AHDC1: variants seen among roughly 807,000 people sequenced by gnomAD.
AHDC1 encodes the protein transcription factor Gibbin.
AHDC1 carries 7 observed loss-of-function variants against 87.9 expected under a neutral mutation model. The ratio of observed to expected loss-of-function variants is 0.08; its 90% CI spans 0.05 to 0.15. The LOEUF (loss-of-function observed/expected upper bound fraction) is 0.15, where lower values mean the gene tolerates loss of function less well. Among genes scored for constraint, AHDC1 ranks in the 10% least tolerant of loss-of-function variants. AHDC1 has a pLI of 1.00. For missense variants in AHDC1, 1,841 were observed against 2,253.2 expected, an observed-to-expected ratio of 0.82 and a Z score of 3.70; for synonymous variants, 1,051 against 1,006.8, an observed-to-expected ratio of 1.04 and a Z score of -0.83.
intron 3 of AHDC1, among the ~76,000 whole-genome samples, chr1:27,599,691 C>CT (rs929263453): frequency 7.2e-5 from 11 of 152,274 alleles, no homozygotes; most frequent in African/African-American, 2.6e-4. Context: ...CTTTTATAAC[C>CT]TGGGTGTCTT....
intron 3 of AHDC1, among the ~76,000 whole-genome samples, chr1:27,566,726 G>A (rs974599803): frequency 7.2e-6 from 1 of 138,776 alleles, no homozygotes; most frequent in Non-Finnish European, 1.6e-5. Context: ...ACTGGGGGGG[G>A]ACAGAGGACA....
chr1:27,544,746 A>T (rs955971930), intron 8 of AHDC1, among the ~76,000 whole-genome samples: 2 of 152,074 alleles, frequency 1.3e-5, no homozygotes, highest in African/African-American at 2.4e-5. Context: ...AGATAGAGAG[A>T]GGGGGCAGCC....
At chr1:27,582,779 CCT>C (rs2088943052) in intron 3 of AHDC1, among the ~76,000 whole-genome samples, 2 of 152,146 alleles carry the variant, frequency 1.3e-5, no homozygotes, top group Admixed American at 6.5e-5. Flanking sequence ...CTTTGATGAC[CCT>C]GTGTTTTGGA....
In AHDC1 at chr1:27,563,387, TC is replaced by T. The variant is rs2020187391; in HGVS notation, c.-628-4505del. 6.6e-6 allele frequency among the ~76,000 whole-genome samples: 1 copy of T among 151,668 alleles called. No individual in the cohort carries two copies. Among genetic ancestry groups the T allele is most frequent in the African/African-American group, 2.4e-5 (1 of 41,194 alleles). On this transcript the variant is annotated intron_variant, in intron 3 of 8. Transcript: ENST00000673934. The surrounding 1 kb of genome is among the most constrained non-coding windows in gnomAD (Gnocchi z 6.1). ...CACACACGTGGGACAAGTCCCATCTTCCAGGTGTGAGGAAGGCATGGACCCC... is the reference window on the plus strand; with the variant it reads ...CACACACGTGGGACAAGTCCCATCTTCAGGTGTGAGGAAGGCATGGACCCC...
chr1:27,565,558 C>T lies in AHDC1; in HGVS notation c.-628-6675G>A, dbSNP rs2020282067. On this transcript the variant is annotated intron_variant, in intron 3 of 8. Coordinates refer to ENST00000673934, the MANE Select transcript of AHDC1 (RefSeq NM_001371928.1). This position sits in a 1 kb window ranked among gnomAD's most constrained non-coding sequence, Gnocchi z 4.6. The stretch of plus-strand genomic sequence containing the variant: ...CCTGGACAAACATTCTGTCTGGTGT[C>T]CCCCGGCGCTGGTGAGCAAGGGGCG... Among the ~76,000 whole-genome samples, 1 of 152,168 alleles carries T rather than the reference C, an allele frequency of 6.6e-6. No homozygotes were observed. The highest frequency in any genetic ancestry group is 1.5e-5 in the Non-Finnish European group (1 of 68,036).
At chr1:27,567,790 A>G (rs532341758) in intron 3 of AHDC1, among the ~76,000 whole-genome samples, 15 of 152,234 alleles carry the variant, frequency 9.9e-5, no homozygotes, top group Admixed American at 2.0e-4. Context: ...AGCTCCCCCA[A>G]CATCTCTCCC....
At position 27,561,892 on chromosome 1, in the gene AHDC1, G is replaced by A. The variant is rs1376989539; in HGVS notation, c.-628-3009C>T. ...GAGGGGCTCATGGAAGAAGGGAGAT[G>A]GAGAGGAAGGTAGAGAGAGGCGGGT... On this transcript the variant is annotated intron_variant, in intron 3 of 8. Coordinates refer to ENST00000673934, the MANE Select transcript of AHDC1 (RefSeq NM_001371928.1). This position sits in a 1 kb window ranked among gnomAD's most constrained non-coding sequence, Gnocchi z 4.2. Among the ~76,000 whole-genome samples, 1 of 152,086 alleles carries A rather than the reference G, an allele frequency of 6.6e-6. No homozygotes were observed. The highest frequency in any genetic ancestry group is 2.1e-4 in the South Asian group (1 of 4,822).
At chr1:27,576,498 AGTAG>A (rs2088755049) in intron 3 of AHDC1, among the ~76,000 whole-genome samples, 1 of 152,224 alleles carries the variant, frequency 6.6e-6, no homozygotes, top group Non-Finnish European at 1.5e-5. Flanking sequence ...GCCTCCATAA[AGTAG>A]GTAATATTAT....
chr1:27,573,515 T>C (rs1303588709), intron 3 of AHDC1, among the ~76,000 whole-genome samples: 2 of 152,174 alleles, frequency 1.3e-5, no homozygotes, highest in Non-Finnish European at 2.9e-5. Flanking sequence ...TTATGAGAAC[T>C]GCCCAACAGT....
rs1232600004 is a variant in AHDC1, at chr1:27,598,118, C to G, written c.-629+5279G>C. ...CAGGTCAGCAAGGCCTCTCCTGGCT[C>G]AGGGGGTGGGGAGGGGGTGCAGAGC... On this transcript the variant is annotated intron_variant, in intron 3 of 8. Transcript: ENST00000673934. This position sits in a 1 kb window ranked among gnomAD's most constrained non-coding sequence, Gnocchi z 4.2. 6.6e-6 allele frequency among the ~76,000 whole-genome samples: 1 copy of G among 152,180 alleles called. No homozygotes were observed. The highest frequency in any genetic ancestry group is 1.5e-5 in the Non-Finnish European group (1 of 68,028).
chr1:27,571,660 G>A (rs2088518414), intron 3 of AHDC1, among the ~76,000 whole-genome samples: 2 of 152,206 alleles, frequency 1.3e-5, no homozygotes, highest in African/African-American at 4.8e-5. Context: ...CCACTGGACC[G>A]GGAACAGCAG....
chr1:27,567,553 G>C (rs918504749), intron 3 of AHDC1, among the ~76,000 whole-genome samples: 2 of 152,074 alleles, frequency 1.3e-5, no homozygotes, highest in African/African-American at 4.8e-5. Context: ...CATTCCACCA[G>C]GCCAGGCTAT....
intron 3 of AHDC1, among the ~76,000 whole-genome samples, chr1:27,568,515 G>A (rs1016715277): frequency 6.6e-6 from 1 of 152,142 alleles, no homozygotes; most frequent in African/African-American, 2.4e-5. Flanking sequence ...CCTTAGGCCG[G>A]CCCTGCCTTT....
rs530568680 is a variant in AHDC1 at position 27,565,912 on chromosome 1, T to C, written c.-628-7029A>G. 6.6e-6 allele frequency among the ~76,000 whole-genome samples: 1 copy of C among 152,172 alleles called. No individual in the cohort carries two copies. The highest frequency in any genetic ancestry group is 1.5e-5 in the Non-Finnish European group (1 of 68,022). ...GCAGACTCACACTCTTGTTTCCTGGTGCCACACTCTCTGTAGGCTCTTCAA... is the reference window on the plus strand; with the variant it reads ...GCAGACTCACACTCTTGTTTCCTGGCGCCACACTCTCTGTAGGCTCTTCAA... On this transcript the variant is annotated intron_variant, in intron 3 of 8. Coordinates refer to ENST00000673934, the MANE Select transcript of AHDC1 (RefSeq NM_001371928.1). This position sits in a 1 kb window ranked among gnomAD's most constrained non-coding sequence, Gnocchi z 4.6.
At chr1:27,572,372 G>C (rs562275810) in intron 3 of AHDC1, among the ~76,000 whole-genome samples, 1 of 152,162 alleles carries the variant, frequency 6.6e-6, no homozygotes, top group Admixed American at 6.5e-5. Context: ...AGATAGAAGG[G>C]AAGAGGCACC....
chr1:27,604,085 T>TCTCGCC (rs2089618301), intron 1 of AHDC1, 21 bp downstream of exon 1: 2 of 153,842 alleles, frequency 1.3e-5, no homozygotes, highest in African/African-American at 2.4e-5. Context: ...TCCCTCCGTC[T>TCTCGCC]CTCGCCCTCG....
At chr1:27,554,734 T>C (rs2019742826) in intron 5 of AHDC1, among the ~76,000 whole-genome samples, 1 of 152,176 alleles carries the variant, frequency 6.6e-6, no homozygotes, top group Admixed American at 6.5e-5. Flanking sequence ...CACAGACCCA[T>C]GTAGATTCTC....
intron 3 of AHDC1, among the ~76,000 whole-genome samples, chr1:27,602,224 G>A (rs2089548730): frequency 6.6e-6 from 1 of 151,784 alleles, no homozygotes; most frequent in Admixed American, 6.5e-5. Context: ...CTCCACATCT[G>A]GCCCTGGCCC....
Position 27,560,202 on chromosome 1 carries a change from G to T in AHDC1, c.-628-1319C>A, listed in dbSNP as rs75934325. 8.8e-3 allele frequency among the ~76,000 whole-genome samples: 1,263 copies of T among 142,728 alleles called. 18 individuals are homozygous for T. Among genetic ancestry groups the T allele is most frequent in the African/African-American group, 0.036 (1,198 of 33,550 alleles). 93.6% of individuals were successfully genotyped at this position (142,728 alleles called of 152,430 possible). Reference sequence around the variant, plus strand: ...TTTCACGTTTATTTCTATTCGTTTTGTGTGTGTGTGTGTGTGTGTGTGAGT... The same window carrying T: ...TTTCACGTTTATTTCTATTCGTTTTTTGTGTGTGTGTGTGTGTGTGTGAGT... On this transcript the variant is annotated intron_variant, in intron 3 of 8. Coordinates refer to ENST00000673934, the MANE Select transcript of AHDC1 (RefSeq NM_001371928.1). This position sits in a 1 kb window ranked among gnomAD's most constrained non-coding sequence, Gnocchi z 4.1.
Sources: gnomAD v4.1 joint callset for allele counts (sites outside exome capture counted in the v4.1 genomes callset) on GRCh38, gnomAD v4.1.1 for gene constraint, Gnocchi (gnomAD v3.1) non-coding constraint, MANE v1.5 for transcripts, NCBI Gene and HGNC (gene_info 2026-07-23, HGNC 2026-07-21) for gene names.